The following SLC22A13 variants were observed in gnomAD, a reference collection of about 807,000 sequenced individuals.
SLC22A13 encodes organic anion transporter 10.
A neutral mutation model predicts 49.1 loss-of-function variants in SLC22A13; 42 were observed. The ratio of observed to expected loss-of-function variants is 0.85; its 90% CI spans 0.67 to 1.11. The LOEUF is 1.11. SLC22A13 is among the 50% of genes least tolerant of loss of function. The pLI, the probability that SLC22A13 is intolerant of heterozygous loss-of-function variation, is 0.00. For synonymous variants in SLC22A13, 282 were observed against 293.1 expected (o/e 0.96, Z 0.39); for missense variants, 694 against 712.8 (o/e 0.97, Z 0.30).
At position 38,274,758 on chromosome 3, in the gene SLC22A13, C is replaced by A. The variant is rs753601555; in HGVS notation, c.637C>A (p.Leu213Met). ...ACTTAGCTTCAGCAATGTCACCCTA[C>A]GTGAGTGTCTGGGCCCTGGAGCCTT... ...AGLSFSNVTL[L>M]TEWVGPSWRT... The change falls in exon 3 of 10, where the codon CTG becomes ATG. Residue 213 changes from leucine to methionine, a missense_variant and splice_region_variant. Physicochemically the swap from Leu to Met is conservative, Grantham distance 15. Transcript: ENST00000311856. 3.1e-6 allele frequency: 5 copies of A among 1,612,838 alleles called. No homozygotes were observed. The highest frequency in any genetic ancestry group is 4.2e-6 in the Non-Finnish European group (5 of 1,179,274).
chr3:38,271,999 T>G (rs568423641), intron 1 of SLC22A13, among the ~76,000 whole-genome samples: 11 of 152,098 alleles, frequency 7.2e-5, no homozygotes, highest in African/African-American at 2.7e-4. Flanking sequence ...GCATCCCAAG[T>G]TGGAGCCCTC....
At chr3:38,271,190 C>T (rs944937358) in intron 1 of SLC22A13, among the ~76,000 whole-genome samples, 2 of 152,112 alleles carry the variant, frequency 1.3e-5, no homozygotes, top group Non-Finnish European at 2.9e-5. Flanking sequence ...AGTATATTTC[C>T]ATATAGGCTG....
chr3:38,275,601 C>A lies in SLC22A13; in HGVS notation c.951C>A (p.Pro317=), dbSNP rs756868686. Residue 317 remains proline (P), a synonymous_variant, in exon 6 of 10, where the codon CCC becomes CCA. Coordinates refer to ENST00000311856, the MANE Select transcript of SLC22A13 (RefSeq NM_004256.4). ...MNQLVPEKTG[P]SGNALDLFRH... is the part of the protein sequence containing the mutation. ...AGCTGGTCCCAGAGAAGACAGGCCC[C>A]TCAGGGAATGCCCTGGATCTGTTCA... is the stretch of plus-strand genomic sequence containing the variant. 2 of 1,614,202 alleles carry A rather than the reference C, an allele frequency of 1.2e-6. No individual in the cohort carries two copies. The highest frequency in any genetic ancestry group is 3.3e-5 in the Admixed American group (2 of 60,032).
chr3:38,274,692 T>G lies in SLC22A13; in HGVS notation c.571T>G (p.Tyr191Asp), dbSNP rs762641762. The change falls in exon 3 of 10, where the codon TAC becomes GAC. Residue 191 changes from tyrosine (Y) to aspartate (D), a missense_variant. Coordinates refer to ENST00000311856, the MANE Select transcript of SLC22A13 (RefSeq NM_004256.4). Reference protein sequence around the residue: ...ATAFVPSFELYMALRFAVATA... With the variant: ...ATAFVPSFELDMALRFAVATA... ...AGCTTTTGTGCCCAGCTTTGAGCTC[T>G]ACATGGCCCTGCGCTTTGCTGTGGC... 6.2e-7 allele frequency: 1 copy of G among 1,614,250 alleles called. No homozygotes were observed. The highest frequency in any genetic ancestry group is 1.1e-5 in the South Asian group (1 of 91,088).
At chr3:38,266,572 T>C (rs1341872419) in intron 1 of SLC22A13, among the ~76,000 whole-genome samples, 1 of 152,188 alleles carries the variant, frequency 6.6e-6, no homozygotes, top group African/African-American at 2.4e-5. Context: ...CTCTACCCAG[T>C]GTGCTCATCT....
chr3:38,276,460 G>A (rs1002329620), intron 8 of SLC22A13, 65 bp downstream of exon 8: 17 of 1,164,906 alleles, frequency 1.5e-5, no homozygotes, highest in Non-Finnish European at 1.8e-5. Flanking sequence ...GTCCCTCCTC[G>A]GCCCTCACCC....
chr3:38,270,222 G>A (rs1237027853), intron 1 of SLC22A13: 1 of 153,214 alleles, frequency 6.5e-6, no homozygotes, highest in African/African-American at 2.4e-5. Context: ...TAGTCCTTTG[G>A]GTATATACCC....
At chr3:38,276,556 C>G (rs1368148442) in intron 8 of SLC22A13, among the ~76,000 whole-genome samples, 161 bp downstream of exon 8, 1 of 152,206 alleles carries the variant, frequency 6.6e-6, no homozygotes, top group Non-Finnish European at 1.5e-5. Context: ...CCCAAGCCCT[C>G]AAGTTGTCCC....
At chr3:38,274,030 A>G (rs1028830302) in intron 1 of SLC22A13, among the ~76,000 whole-genome samples, 2 of 152,242 alleles carry the variant, frequency 1.3e-5, no homozygotes, top group African/African-American at 4.8e-5. Context: ...TCTCACGTTG[A>G]AAGCGTGAAC....
At position 38,276,912 on chromosome 3, in the gene SLC22A13, G is replaced by A. The variant is rs1486999201; in HGVS notation, c.1347G>A (p.Arg449=). ...TTAGCTTGCCCTGGTCTTCCCCCAGGCAGACAGGCATGGGGCTGGTGGGCA... is the reference window on the plus strand; with the variant it reads ...TTAGCTTGCCCTGGTCTTCCCCCAGACAGACAGGCATGGGGCTGGTGGGCA... ...YSAELFPTIL[R]QTGMGLVGIF... is the part of the protein sequence containing the mutation. The change falls in exon 9 of 10, where the codon CGG becomes CGA. Residue 449 remains arginine (R), a splice_region_variant and synonymous_variant. Coordinates refer to ENST00000311856, the MANE Select transcript of SLC22A13 (RefSeq NM_004256.4). 2 of 1,613,146 alleles carry A rather than the reference G, an allele frequency of 1.2e-6. No homozygotes were observed. Among genetic ancestry groups the A allele is most frequent in the East Asian group, 2.2e-5 (1 of 44,852 alleles).
chr3:38,276,583 A>G (rs772602570), intron 8 of SLC22A13, among the ~76,000 whole-genome samples, 188 bp downstream of exon 8: 11 of 152,236 alleles, frequency 7.2e-5, no homozygotes, highest in Non-Finnish European at 1.6e-4. Flanking sequence ...GGTGGAGGAC[A>G]GACAGGCAAG....
Position 38,276,885 on chromosome 3 carries a change from A to G in SLC22A13, c.1347-27A>G, listed in dbSNP as rs370604067. ...GAGGCCCAGAGTTGGGCCCAGGTCT[A>G]CTTAGCTTGCCCTGGTCTTCCCCCA... is the stretch of plus-strand genomic sequence containing the variant. On this transcript the variant is annotated intron_variant, in intron 8 of 9. Coordinates refer to ENST00000311856, the MANE Select transcript of SLC22A13 (RefSeq NM_004256.4). 1.7e-5 allele frequency: 27 copies of G among 1,603,422 alleles called. No individual in the cohort carries two copies. The South Asian group carries it at 2.7e-4, about 16-fold the overall frequency.
intron 1 of SLC22A13, among the ~76,000 whole-genome samples, chr3:38,271,411 AAAT>A (rs1703518953): frequency 6.6e-6 from 1 of 152,008 alleles, no homozygotes; most frequent in Non-Finnish European, 1.5e-5. Context: ...CAAAAAAATA[AAAT>A]AATCAGCCAG....
Position 38,275,364 on chromosome 3 carries a change from C to T in SLC22A13, c.807-6C>T, listed in dbSNP as rs374406766. On this transcript the variant is annotated splice_region_variant and splice_polypyrimidine_tract_variant and intron_variant, in intron 4 of 9. Coordinates refer to ENST00000311856, the MANE Select transcript of SLC22A13 (RefSeq NM_004256.4). Reference sequence around the variant, plus strand: ...CCCCAAGGTCATAGCCGTTGCTGACCCACAGGGCTCTGCCAGAATCTGCAC... The same window carrying T: ...CCCCAAGGTCATAGCCGTTGCTGACTCACAGGGCTCTGCCAGAATCTGCAC... 3.7e-6 allele frequency: 6 copies of T among 1,614,026 alleles called. No individual in the cohort carries two copies. The Admixed American group carries it at 6.7e-5, about 18-fold the overall frequency.
rs995600456 is a variant in SLC22A13 at position 38,275,938 on chromosome 3, T to G, written c.1079T>G (p.Leu360Arg). The stretch of plus-strand genomic sequence containing the variant: ...AGCCTCCAAGTGGGGGACTTCGGCC[T>G]GGACGTCTATCTGACGCAGCTCATC... The part of the protein sequence containing the change: ...GLSLQVGDFG[L>R]DVYLTQLIFG... The change falls in exon 7 of 10, where the codon CTG (leucine) becomes CGG (arginine). Residue 360 changes from leucine (L) to arginine (R), a missense_variant. Coordinates refer to ENST00000311856, the MANE Select transcript of SLC22A13 (RefSeq NM_004256.4). 1.2e-6 allele frequency: 2 copies of G among 1,614,130 alleles called. No individual in the cohort carries two copies. The highest frequency in any genetic ancestry group is 2.7e-5 in the African/African-American group (2 of 74,946).
intron 2 of SLC22A13, 67 bp downstream of exon 2, chr3:38,274,442 C>T (rs1703553508): frequency 6.9e-7 from 1 of 1,453,926 alleles, no homozygotes; most frequent in Non-Finnish European, 9.7e-7. Flanking sequence ...GCCCAAGTCC[C>T]CCTTATGCCC....
At chr3:38,268,962 AAAC>A (rs1703490757) in intron 1 of SLC22A13, among the ~76,000 whole-genome samples, 1 of 150,910 alleles carries the variant, frequency 6.6e-6, no homozygotes, top group African/African-American at 2.5e-5. Context: ...ACAAACAAAC[AAAC>A]AAAAAAAACA....
rs535551758 is a variant in SLC22A13, at chr3:38,274,940, G to A, written c.638-49G>A. The A allele has an allele frequency of 4.4e-6, 7 of 1,600,396 alleles. No homozygotes were observed. In the East Asian group the frequency reaches 6.7e-5, roughly 15 times the overall value. On this transcript the variant is annotated intron_variant, in intron 3 of 9. Transcript: ENST00000311856. ...ACAGGGTGGCATCTAGGAGTAATGG[G>A]GAGTGAATGGCAGGGATTAGCCCTG... is the stretch of plus-strand genomic sequence containing the variant.
intron 1 of SLC22A13, among the ~76,000 whole-genome samples, chr3:38,274,016 G>A (rs1374729081): frequency 6.6e-6 from 1 of 152,242 alleles, no homozygotes; most frequent in Non-Finnish European, 1.5e-5. Context: ...GGAAAGTAGT[G>A]TGGTCTCACG....
Sources: allele counts gnomAD v4.1 joint callset (sites outside exome capture counted in the v4.1 genomes callset), GRCh38; gene constraint gnomAD v4.1.1; transcripts MANE v1.5; gene names NCBI Gene and HGNC (gene_info 2026-07-23, HGNC 2026-07-21).